The following LAMA5 variants were observed in gnomAD, a reference collection of about 807,000 sequenced individuals.
LAMA5 encodes the protein laminin subunit alpha-5.
In LAMA5, 260 loss-of-function variants were observed where a neutral mutation model predicts 433.4. The ratio of observed to expected loss-of-function variants is 0.60; its 90% confidence interval spans 0.54 to 0.66. LAMA5 has a LOEUF of 0.66. Ranked by LOEUF, LAMA5 falls within the 30% of genes least tolerant of loss-of-function variation. The pLI, the probability that LAMA5 is intolerant of heterozygous loss-of-function variation, is 0.00. For missense variants in LAMA5, 5,378 were observed against 5,258.5 expected (o/e 1.02, Z -0.70); for synonymous variants, 2,620 against 2,226.6 (o/e 1.18, Z -4.97).
At chr20:62,315,729 G>A (rs955485150) in intron 58 of LAMA5, among the ~76,000 whole-genome samples, 3 of 152,162 alleles carry the variant, frequency 2.0e-5, no homozygotes, top group Non-Finnish European at 4.4e-5. Flanking sequence ...TCTACCCAAA[G>A]CACTTCCAAG....
In LAMA5 at chr20:62,317,388, C is replaced by T. The variant is rs1293966410; in HGVS notation, c.7468G>A (p.Ala2490Thr). 1.2e-6 allele frequency: 2 copies of T among 1,609,852 alleles called. No individual in the cohort carries two copies. The highest frequency in any genetic ancestry group is 2.7e-5 in the African/African-American group (2 of 75,008). Residue 2490 changes from alanine to threonine, a missense_variant, in exon 55 of 80, where the codon GCC becomes ACC. By Grantham distance (58) the Ala-to-Thr change is moderately conservative. Transcript: ENST00000252999. Reference protein sequence around the residue: ...SKLRLVEAAEAHAQQLGQLAL... With the variant: ...SKLRLVEAAETHAQQLGQLAL... ...AGCTGGCCCAGCTGCTGTGCGTGGG[C>T]CTCGGCGGCCTCCACTAGACGCAGC...
Position 62,319,700 on chromosome 20 carries a change from C to T in LAMA5, c.6855G>A (p.Val2285=), listed in dbSNP as rs548968063. 3.2e-6 allele frequency: 5 copies of T among 1,544,216 alleles called. No homozygotes were observed. The East Asian group carries it at 7.3e-5, about 23-fold the overall frequency. Residue 2285 remains valine (V), a synonymous_variant, in exon 51 of 80, where the codon GTG becomes GTA. Coordinates refer to ENST00000252999, the MANE Select transcript of LAMA5 (RefSeq NM_005560.6). ...GGCCCCTACCGCTCAGGGTGCGGTC[C>T]ACAGCCCGGATGGCCGCCAACAGCG... The part of the protein sequence containing the change: ...AKTLLAAIRA[V]DRTLSELMSQ...
At chr20:62,309,537 T>G in intron 79 of LAMA5, 62 bp from the exon 80 acceptor site, 1 of 1,317,660 alleles carries the variant, frequency 7.6e-7, no homozygotes, top group Non-Finnish European at 9.9e-7. Context: ...CCACAGGCCC[T>G]TCCCAAACGT....
rs773710972 is a variant in LAMA5 at position 62,353,123 on chromosome 20, CAG to C, written c.568+9_568+10del. 1.4e-5 allele frequency: 22 copies of C among 1,557,374 alleles called. No individual in the cohort carries two copies. Among genetic ancestry groups the C allele is most frequent in the Non-Finnish European group, 1.7e-5 (19 of 1,147,964 alleles). On this transcript the variant is annotated intron_variant, in intron 3 of 79. Transcript: ENST00000252999. ...CCTCTCCCCCCAGGCCCCACGGCGG[CAG>C]AGACTCACAGGCAAAGAACTGCCAG...
chr20:62,312,383 CG>C lies in LAMA5; in HGVS notation c.9360+16del, dbSNP rs751251234. 4.4e-6 allele frequency: 7 copies of C among 1,599,328 alleles called. No individual in the cohort carries two copies. In the South Asian group the frequency reaches 7.7e-5, roughly 18 times the overall value. On this transcript the variant is annotated intron_variant, in intron 68 of 79. Transcript: ENST00000252999. ...ATGTCCACAGATGCCACCCCCAGCC[CG>C]GGGAGGGCTGCTCACCAGCAGGTCG...
chr20:62,362,339 G>A (rs1369026266), intron 2 of LAMA5, 61 bp downstream of exon 2: 1 of 1,380,490 alleles, frequency 7.2e-7, no homozygotes, highest in Non-Finnish European at 9.5e-7. Context: ...GTGGCCCAAG[G>A]TAGGCCCGAC....
At chr20:62,348,908 C>T (rs1254569446) in intron 6 of LAMA5, among the ~76,000 whole-genome samples, 3 of 151,922 alleles carry the variant, frequency 2.0e-5, no homozygotes, top group Non-Finnish European at 4.4e-5. Context: ...AATGGGGACT[C>T]CAGGGGAAAA....
chr20:62,354,585 A>G (rs942710076), intron 2 of LAMA5, among the ~76,000 whole-genome samples: 4 of 152,076 alleles, frequency 2.6e-5, no homozygotes, highest in Non-Finnish European at 5.9e-5. Flanking sequence ...GTCCCTAAAA[A>G]CAGCCCATGG....
chr20:62,328,725 C>T, intron 34 of LAMA5, 119 bp downstream of exon 34: 4 of 1,048,034 alleles, frequency 3.8e-6, no homozygotes, highest in Non-Finnish European at 5.5e-6. Context: ...GATGGGGCAG[C>T]AATGCTGCCC....
chr20:62,310,819 C>G lies in LAMA5; in HGVS notation c.10292G>C (p.Arg3431Pro). 6.4e-7 allele frequency: 1 copy of G among 1,557,688 alleles called. No homozygotes were observed. Among genetic ancestry groups the G allele is most frequent in the Non-Finnish European group, 8.7e-7 (1 of 1,150,984 alleles). The stretch of plus-strand genomic sequence containing the variant: ...CAGCAGGATCCGGTTCTTCTCCCAG[C>G]GCACGGAGACCTGGGGGCAGGAGAT... Reference protein sequence around the residue: ...RPGRWHKVSVRWEKNRILLVT... With the variant: ...RPGRWHKVSVPWEKNRILLVT... Residue 3431 changes from arginine (R) to proline (P), a missense_variant, in exon 75 of 80, where the codon CGC (arginine) becomes CCC (proline). Coordinates refer to ENST00000252999, the MANE Select transcript of LAMA5 (RefSeq NM_005560.6).
Position 62,351,815 on chromosome 20 carries a change from C to T in LAMA5, c.859-14G>A. 6.3e-7 allele frequency: 1 copy of T among 1,597,288 alleles called. No individual in the cohort carries two copies. The highest frequency in any genetic ancestry group is 8.5e-7 in the Non-Finnish European group (1 of 1,173,780). Reference sequence around the variant, plus strand: ...GCTGTAATAATACTGCACCCGCAGGCCCCGTGAGCACCAGGCGGCCAGGCC... The same window carrying T: ...GCTGTAATAATACTGCACCCGCAGGTCCCGTGAGCACCAGGCGGCCAGGCC... On this transcript the variant is annotated splice_polypyrimidine_tract_variant and intron_variant, in intron 5 of 79. Transcript: ENST00000252999.
rs1333662195 is a variant in LAMA5 at position 62,334,019 on chromosome 20, C to G, written c.2760G>C (p.Leu920=). Residue 920 remains leucine, a synonymous_variant, in exon 23 of 80, where the codon CTG becomes CTC. Transcript: ENST00000252999. The part of the protein sequence containing the change: ...APVQPRIVAR[L]NLTSPDLFWL... ...AGAAAAGGTCAGGGGAGGTCAGGTT[C>G]AGCCTGGCCACGATCCTGGGCTGGG... The G allele has an allele frequency of 6.2e-7, 1 of 1,612,700 alleles. No individual in the cohort carries two copies. Among genetic ancestry groups the G allele is most frequent in the African/African-American group, 1.3e-5 (1 of 74,922 alleles).
Position 62,323,447 on chromosome 20 carries a change from G to A in LAMA5, c.6064+9C>T, listed in dbSNP as rs766481172. ...CCCCAGGGTGCATCCCTCCCAGCCC[G>A]ACGCCTACGGGTGCAGTTGCCGGGC... On this transcript the variant is annotated intron_variant, in intron 45 of 79. Coordinates refer to ENST00000252999, the MANE Select transcript of LAMA5 (RefSeq NM_005560.6). 20 of 1,532,362 alleles carry A rather than the reference G, an allele frequency of 1.3e-5. 1 individual carries two copies. Among genetic ancestry groups the A allele is most frequent in the South Asian group, 6.0e-5 (5 of 82,954 alleles). 94.9% of individuals were successfully genotyped at this position (1,532,362 alleles called of 1,614,324 possible). A position where few individuals can be genotyped will look rare whatever the true frequency, so the allele number is the denominator to read the frequency against.
Position 62,316,994 on chromosome 20 carries a change from A to C in LAMA5, c.7541T>G (p.Leu2514Arg). ...SIILDVNQDR[L>R]TQRAIEASNA... ...GGAGGCCTCGATGGCCCTCTGGGTG[A>C]GGCGGTCCTGGTTGACGTCCAGGAT... Residue 2514 changes from leucine (L) to arginine (R), a missense_variant, in exon 56 of 80, where the codon CTC (leucine) becomes CGC (arginine). Transcript: ENST00000252999. 6.5e-7 allele frequency: 1 copy of C among 1,548,912 alleles called. No homozygotes were observed. Among genetic ancestry groups the C allele is most frequent in the Non-Finnish European group, 8.7e-7 (1 of 1,144,468 alleles).
Position 62,320,465 on chromosome 20 carries a change from G to C in LAMA5, c.6759+94C>G, listed in dbSNP as rs527868169. 4 of 922,150 alleles carry C rather than the reference G, an allele frequency of 4.3e-6. No individual in the cohort carries two copies. The East Asian group carries it at 7.9e-5, about 18-fold the overall frequency. 57.1% of individuals were successfully genotyped at this position (922,150 alleles called of 1,614,324 possible). ...GTCCCCTGCACTGACACATGTACGA[G>C]GCATGAAGTAACATCTGCTGAATGA... On this transcript the variant is annotated intron_variant, in intron 50 of 79. Transcript: ENST00000252999.
At chr20:62,352,101 G>T (rs1376316967) in intron 4 of LAMA5, 22 bp from the exon 5 acceptor site, 1 of 1,607,748 alleles carries the variant, frequency 6.2e-7, no homozygotes, top group African/African-American at 1.3e-5. Flanking sequence ...ATGCGGTGAC[G>T]CCAGTGTGGC....
rs149612146 is a variant in LAMA5 at position 62,310,026 on chromosome 20, G to T, written c.10790C>A (p.Pro3597His). ...CCACTGGCCATCACACAGCACTGAG[G>T]GGCGGGTCACTGACGTGGAGAACTC... ...AGEFSTSVTRPSVLCDGQWHR... is the reference protein window; with the variant it reads ...AGEFSTSVTRHSVLCDGQWHR... The change falls in exon 78 of 80, where the codon CCC (proline) becomes CAC (histidine). Residue 3597 changes from proline to histidine, a missense_variant. Pro to His is a moderately conservative substitution (Grantham distance 77). Transcript: ENST00000252999. 1 of 1,611,416 alleles carries T rather than the reference G, an allele frequency of 6.2e-7. No individual in the cohort carries two copies. The highest frequency in any genetic ancestry group is 2.2e-5 in the East Asian group (1 of 44,868).
rs527330825 is a variant in LAMA5 at position 62,322,890 on chromosome 20, C to T, written c.6065-132G>A. 8 of 596,080 alleles carry T rather than the reference C, an allele frequency of 1.3e-5. No individual in the cohort carries two copies. The East Asian group carries it at 1.6e-4, about 12-fold the overall frequency. The allele number at this position is 596,080 out of a possible 1,614,324, so 36.9% of individuals were successfully genotyped here. A position where few individuals can be genotyped will look rare whatever the true frequency, so the allele number is the denominator to read the frequency against. On this transcript the variant is annotated intron_variant, in intron 45 of 79. Transcript: ENST00000252999. Reference sequence around the variant, plus strand: ...CAGGCCGCCCGGACCACCCGGCTACCCACTCGTGTCCCAGCCTGGCCCCAC... The same window carrying T: ...CAGGCCGCCCGGACCACCCGGCTACTCACTCGTGTCCCAGCCTGGCCCCAC...
chr20:62,332,840 G>A (rs1449489052), intron 26 of LAMA5, 123 bp from the exon 27 acceptor site: 27 of 1,265,842 alleles, frequency 2.1e-5, no homozygotes, highest in Non-Finnish European at 2.9e-5. Context: ...ACCCTGGCCC[G>A]GACATCTCCA....
Sources: gnomAD v4.1 joint callset for allele counts (sites outside exome capture counted in the v4.1 genomes callset) on GRCh38, gnomAD v4.1.1 for gene constraint, MANE v1.5 for transcripts, NCBI Gene and HGNC (gene_info 2026-07-23, HGNC 2026-07-21) for gene names.